The following ABTB1 variants were observed in gnomAD, a reference collection of about 807,000 sequenced individuals.
ABTB1 encodes ankyrin repeat and BTB domain containing 1.
A neutral mutation model predicts 57.1 loss-of-function variants in ABTB1; 45 were observed. That is an observed-to-expected ratio of 0.79 (90% CI 0.62 to 1.01). The LOEUF is 1.01. ABTB1 is among the 50% of genes least tolerant of loss of function. ABTB1 has a pLI of 0.00. For missense variants in ABTB1, 630 were observed against 666.3 expected (o/e 0.95, Z 0.60); for synonymous variants, 302 against 275.4 (o/e 1.10, Z -0.95).
At chr3:127,674,848 G>A (rs928820048) in intron 3 of ABTB1, among the ~76,000 whole-genome samples, 18 of 152,346 alleles carry the variant, frequency 1.2e-4, no homozygotes, top group African/African-American at 4.1e-4. Context: ...CGGACACGGT[G>A]CCTGCCTCTC....
chr3:127,680,155 C>T lies in ABTB1; in HGVS notation c.1200C>T (p.Cys400=). The T allele has an allele frequency of 6.2e-7, 1 of 1,613,950 alleles. No homozygotes were observed. Among genetic ancestry groups the T allele is most frequent in the Non-Finnish European group, 8.5e-7 (1 of 1,180,030 alleles). ...LFRLARLEDQ[C]TEYMAKVIEK... ...GCCTGGCGCGGCTTGAGGACCAGTG[C>T]ACTGAGTACATGGCCAAGGTCATTG... The change falls in exon 11 of 12, where the codon TGC becomes TGT. Residue 400 remains cysteine (C), a synonymous_variant. Coordinates refer to ENST00000232744, the MANE Select transcript of ABTB1 (RefSeq NM_172027.3).
rs1269226351 is a variant in ABTB1 at position 127,672,980 on chromosome 3, G to A, written c.-46G>A. On this transcript the variant is annotated 5_prime_UTR_variant, in exon 1 of 12. Coordinates refer to ENST00000232744, the MANE Select transcript of ABTB1 (RefSeq NM_172027.3). ...CGTGTTTACATCCGCCGGGTGCGCGGCTTCGCCGCCCGAGGTCGTTCGGCT... is the reference window on the plus strand; with the variant it reads ...CGTGTTTACATCCGCCGGGTGCGCGACTTCGCCGCCCGAGGTCGTTCGGCT... 7 of 1,521,932 alleles carry A rather than the reference G, an allele frequency of 4.6e-6. No individual in the cohort carries two copies. The highest frequency in any genetic ancestry group is 1.4e-5 in the African/African-American group (1 of 69,888). The allele number at this position is 1,521,932 out of a possible 1,614,324, so 94.3% of individuals were successfully genotyped here.
chr3:127,675,259 T>G (rs2074950855), intron 3 of ABTB1, among the ~76,000 whole-genome samples: 1 of 150,490 alleles, frequency 6.6e-6, no homozygotes, highest in African/African-American at 2.5e-5. Context: ...CTATTTTGGT[T>G]TTTTCTTTTT....
Position 127,677,582 on chromosome 3 carries a change from TG to T in ABTB1, c.861+20del, listed in dbSNP as rs746330449. 7.4e-6 allele frequency: 12 copies of T among 1,613,788 alleles called. No individual in the cohort carries two copies. In the Admixed American group the frequency reaches 1.8e-4, roughly 25 times the overall value. On this transcript the variant is annotated intron_variant, in intron 9 of 11. Coordinates refer to ENST00000232744, the MANE Select transcript of ABTB1 (RefSeq NM_172027.3). ...CCACAAGGTGCCTGTGCCCTCCTGT[TG>T]CCCCTGGCCCCAGCCCGTTGCCCTG...
intron 3 of ABTB1, among the ~76,000 whole-genome samples, chr3:127,674,807 C>T (rs2074940098): frequency 2.0e-5 from 3 of 152,350 alleles, no homozygotes; most frequent in South Asian, 2.1e-4. Context: ...TCTACTTCTA[C>T]GACCTGGGCC....
intron 1 of ABTB1, chr3:127,674,092 C>G (rs896779201): frequency 8.9e-6 from 4 of 447,870 alleles, no homozygotes; most frequent in Non-Finnish European, 1.7e-5. Context: ...CACCTCCTCT[C>G]CCAAACGCTG....
intron 1 of ABTB1, 95 bp downstream of exon 1, chr3:127,673,176 C>T: frequency 7.7e-7 from 1 of 1,300,104 alleles, no homozygotes; most frequent in Non-Finnish European, 1.0e-6. Context: ...CGCGGAGAGG[C>T]GGGCGCCTCT....
rs1576448362 is a variant in ABTB1, at chr3:127,677,621, G to A, written c.862-55G>A. ...GCCCGTTGCCCTGAGCCCCCGTCTA[G>A]CTCCTCAGGAGACAGACCCTGGCCC... On this transcript the variant is annotated intron_variant, in intron 9 of 11. Transcript: ENST00000232744. The A allele has an allele frequency of 3.7e-6, 6 of 1,613,118 alleles. No individual in the cohort carries two copies. In the Middle Eastern group the frequency reaches 8.3e-4, roughly 222 times the overall value.
In ABTB1 at chr3:127,680,151, A is replaced by G. The variant is rs1404824594; in HGVS notation, c.1196A>G (p.Gln399Arg). ...KLFRLARLEDQCTEYMAKVIE... is the reference protein window; with the variant it reads ...KLFRLARLEDRCTEYMAKVIE... ...TTCCGCCTGGCGCGGCTTGAGGACCAGTGCACTGAGTACATGGCCAAGGTC... is the reference window on the plus strand; with the variant it reads ...TTCCGCCTGGCGCGGCTTGAGGACCGGTGCACTGAGTACATGGCCAAGGTC... The change falls in exon 11 of 12, where the codon CAG becomes CGG. Residue 399 changes from glutamine to arginine, a missense_variant. Transcript: ENST00000232744. 6.2e-7 allele frequency: 1 copy of G among 1,613,910 alleles called. No individual in the cohort carries two copies. Among genetic ancestry groups the G allele is most frequent in the Non-Finnish European group, 8.5e-7 (1 of 1,179,998 alleles).
At chr3:127,679,609 A>T in intron 10 of ABTB1, 1 of 478,052 alleles carries the variant, frequency 2.1e-6, no homozygotes, top group Non-Finnish European at 4.1e-6. Flanking sequence ...TACCTCATGG[A>T]CTGGGAACTA....
At position 127,680,787 on chromosome 3, in the gene ABTB1, C is replaced by A; in HGVS notation, c.*312C>A. On this transcript the variant is annotated 3_prime_UTR_variant, in exon 12 of 12. Coordinates refer to ENST00000232744, the MANE Select transcript of ABTB1 (RefSeq NM_172027.3). ...CTTCTCCAGATCCCCCCTACCCACC[C>A]CAGTCCCAAATCCAGTCCTCTGGCC... 3.0e-6 allele frequency: 2 copies of A among 662,202 alleles called. No homozygotes were observed. The highest frequency in any genetic ancestry group is 2.5e-5 in the East Asian group (1 of 39,686). 41.0% of individuals were successfully genotyped at this position (662,202 alleles called of 1,614,324 possible).
At position 127,680,147 on chromosome 3, in the gene ABTB1, G is replaced by A. The variant is rs2107561662; in HGVS notation, c.1192G>A (p.Asp398Asn). Residue 398 changes from aspartate (D) to asparagine (N), a missense_variant, in exon 11 of 12, where the codon GAC becomes AAC. Around this residue, in one of 3 missense-constraint regions of ABTB1, gnomAD observed 579 missense variants for 585.9 expected, o/e 0.99. Transcript: ENST00000232744. ...GCTCTTCCGCCTGGCGCGGCTTGAG[G>A]ACCAGTGCACTGAGTACATGGCCAA... The part of the protein sequence containing the change: ...AKLFRLARLE[D>N]QCTEYMAKVI... The A allele has an allele frequency of 6.2e-7, 1 of 1,613,930 alleles. No homozygotes were observed. The highest frequency in any genetic ancestry group is 1.3e-5 in the African/African-American group (1 of 75,064).
chr3:127,679,359 C>T, intron 10 of ABTB1: 1 of 357,130 alleles, frequency 2.8e-6, no homozygotes. Context: ...TCGCAGAGCT[C>T]CCCTTGTCTC....
In ABTB1 at chr3:127,677,780, G is replaced by C; in HGVS notation, c.966G>C (p.Leu322=). ...CAGGGGGCCCCCCAGCCGTCACCCT[G>C]CATGGCATCTCACCCGACGTCTTCA... ...ATSGGPPAVT[L]HGISPDVFTH... is the part of the protein sequence containing the mutation. Residue 322 remains leucine (L), a synonymous_variant, in exon 10 of 12, where the codon CTG becomes CTC. Transcript: ENST00000232744. 1 of 1,612,612 alleles carries C rather than the reference G, an allele frequency of 6.2e-7. No homozygotes were observed. The highest frequency in any genetic ancestry group is 1.1e-5 in the South Asian group (1 of 90,866).
At chr3:127,673,207 G>T in intron 1 of ABTB1, 126 bp downstream of exon 1, 1 of 1,092,114 alleles carries the variant, frequency 9.2e-7, no homozygotes. Context: ...AGCCCTCGGA[G>T]CGCCCCCGCG....
chr3:127,673,398 T>A (rs1404256555), intron 1 of ABTB1: 2 of 220,602 alleles, frequency 9.1e-6, no homozygotes, highest in Middle Eastern at 1.5e-3. Context: ...GGCCCGGACG[T>A]CAGACCCCCC....
chr3:127,680,227 G>T, intron 11 of ABTB1, 42 bp downstream of exon 11: 1 of 1,613,220 alleles, frequency 6.2e-7, no homozygotes, highest in South Asian at 1.1e-5. Flanking sequence ...AGGGGTGAGA[G>T]GGCAGGCACC....
chr3:127,675,107 T>G (rs2074947536), intron 3 of ABTB1, among the ~76,000 whole-genome samples: 1 of 152,162 alleles, frequency 6.6e-6, no homozygotes, highest in African/African-American at 2.4e-5. Flanking sequence ...CCAGGGCCTT[T>G]GCACCTGCAG....
chr3:127,676,022 A>C lies in ABTB1; in HGVS notation c.228A>C (p.Ala76=). The change falls in exon 4 of 12, where the codon GCA becomes GCC. Residue 76 remains alanine, a synonymous_variant. Transcript: ENST00000232744. This position sits in a 1 kb window ranked among gnomAD's most constrained non-coding sequence, Gnocchi z 5.4. Reference sequence around the variant, plus strand: ...ATGGTGAGCGCTGCCTCTATGGGGCACTGAGTGACCCCATCCGCCGGGCTC... The same window carrying C: ...ATGGTGAGCGCTGCCTCTATGGGGCCCTGAGTGACCCCATCCGCCGGGCTC... The part of the protein sequence containing the change: ...TFDGERCLYG[A]LSDPIRRALR... 1 of 1,612,842 alleles carries C rather than the reference A, an allele frequency of 6.2e-7. No individual in the cohort carries two copies. The highest frequency in any genetic ancestry group is 8.5e-7 in the Non-Finnish European group (1 of 1,179,888).
Sources: gnomAD v4.1 joint callset for allele counts (sites outside exome capture counted in the v4.1 genomes callset) on GRCh38, gnomAD v4.1.1 for gene constraint, gnomAD v4.1.1 regional missense constraint, Gnocchi (gnomAD v3.1) non-coding constraint, MANE v1.5 for transcripts, NCBI Gene and HGNC (gene_info 2026-07-23, HGNC 2026-07-21) for gene names.